Variants in GRID2 observed in about 807,000 individuals in gnomAD.
GRID2 encodes the protein glutamate ionotropic receptor delta type subunit 2, also known as glutamate receptor ionotropic, delta-2.
GRID2 carries 33 observed loss-of-function variants against 114.8 expected under a neutral mutation model. That is an observed-to-expected ratio of 0.29 (90% confidence interval 0.22 to 0.38). The LOEUF is 0.38. Ranked by LOEUF, GRID2 falls within the 10% of genes least tolerant of loss-of-function variation. The probability of loss-of-function intolerance (pLI) is 1.00; values close to 1 mark genes in which losing one functional copy is unlikely to be tolerated. For missense variants in GRID2, 1,184 were observed against 1,257.7 expected, an observed-to-expected ratio of 0.94 and a Z score of 0.89; for synonymous variants, 505 against 449.9, an observed-to-expected ratio of 1.12 and a Z score of -1.55.
At chr4:92,629,915 AATTATATT>A (rs1730714710) in intron 2 of GRID2, among the ~76,000 whole-genome samples, 1 of 147,680 alleles carries the variant, frequency 6.8e-6, no homozygotes, top group Non-Finnish European at 1.5e-5. Context: ...TAAATTATAT[AATTATATT>A]ATAAATTATA....
At chr4:93,796,978 T>C (rs1382780465) in intron 1 of GRID2, among the ~76,000 whole-genome samples, 3 of 152,198 alleles carry the variant, frequency 2.0e-5, no homozygotes, top group Non-Finnish European at 4.4e-5. Flanking sequence ...CATCATAGGG[T>C]GTACTTACCC....
chr4:92,712,348 A>C (rs917109427), intron 2 of GRID2, among the ~76,000 whole-genome samples: 3 of 152,122 alleles, frequency 2.0e-5, no homozygotes, highest in Non-Finnish European at 2.9e-5. Context: ...TTTTTAAAAA[A>C]TTAGTTTTAT....
intron 12 of GRID2, among the ~76,000 whole-genome samples, chr4:93,495,680 T>C (rs972197839): frequency 1.3e-5 from 2 of 151,786 alleles, no homozygotes; most frequent in Non-Finnish European, 2.9e-5. Context: ...AATGCATGTA[T>C]ATTTACAGCA....
intron 8 of GRID2, among the ~76,000 whole-genome samples, chr4:93,280,474 T>C (rs1198494812): frequency 6.6e-6 from 1 of 152,024 alleles, no homozygotes; most frequent in Non-Finnish European, 1.5e-5. Flanking sequence ...AAATGTTTTC[T>C]AAGAAAGATA....
At chr4:92,922,426 C>G (rs1216572352) in intron 2 of GRID2, among the ~76,000 whole-genome samples, 1 of 152,088 alleles carries the variant, frequency 6.6e-6, no homozygotes, top group Non-Finnish European at 1.5e-5. Context: ...ATCACCCATC[C>G]TCTGTGTCGC....
intron 2 of GRID2, among the ~76,000 whole-genome samples, chr4:92,603,912 T>A (rs1237537725): frequency 6.6e-6 from 1 of 151,756 alleles, no homozygotes; most frequent in Admixed American, 6.6e-5. Context: ...TAAAAAAACA[T>A]TTATATGGCC....
At chr4:92,984,361 G>A (rs940384141) in intron 2 of GRID2, among the ~76,000 whole-genome samples, 3 of 152,198 alleles carry the variant, frequency 2.0e-5, no homozygotes, top group Non-Finnish European at 2.9e-5. Flanking sequence ...CAAGAAGAGG[G>A]AAAGTTGGAA....
chr4:93,106,225 T>A (rs77515636), intron 3 of GRID2, among the ~76,000 whole-genome samples: 1 of 152,318 alleles, frequency 6.6e-6, no homozygotes, highest in African/African-American at 2.4e-5. Context: ...TTCTTTATTT[T>A]GGAAACACAG....
intron 2 of GRID2, among the ~76,000 whole-genome samples, chr4:93,080,270 GA>G (rs1232287029): frequency 2.6e-5 from 4 of 152,050 alleles, no homozygotes; most frequent in East Asian, 1.9e-4. Context: ...TTAATAAACA[GA>G]AAAAAAGTAA....
At chr4:93,344,263 A>G (rs76786322) in intron 8 of GRID2, among the ~76,000 whole-genome samples, 124 of 152,176 alleles carry the variant, frequency 8.1e-4, no homozygotes, top group Middle Eastern at 3.4e-3. Context: ...ATTTTGCTGC[A>G]TGGCCAAAGA....
intron 2 of GRID2, among the ~76,000 whole-genome samples, chr4:92,839,296 T>C (rs1311721826): frequency 6.6e-6 from 1 of 151,788 alleles, no homozygotes. Flanking sequence ...ACTTTATGTT[T>C]TAGGGTACAT....
chr4:92,323,993 G>T (rs368562590), intron 1 of GRID2, among the ~76,000 whole-genome samples: 1 of 151,868 alleles, frequency 6.6e-6, no homozygotes. Flanking sequence ...GAAATAGCCC[G>T]ATTATGTAGA....
chr4:92,565,374 C>A (rs924466985), intron 1 of GRID2, among the ~76,000 whole-genome samples: 8 of 151,914 alleles, frequency 5.3e-5, no homozygotes, highest in African/African-American at 1.7e-4. Context: ...TTACTGAATT[C>A]ATATGCTTGC....
chr4:92,934,300 G>A (rs2149524910), intron 2 of GRID2, among the ~76,000 whole-genome samples: 1 of 151,846 alleles, frequency 6.6e-6, no homozygotes, highest in African/African-American at 2.4e-5. Context: ...AAGCAATTGG[G>A]AATGGGAGTT....
intron 1 of GRID2, among the ~76,000 whole-genome samples, chr4:92,545,941 A>C (rs1224047575): frequency 2.6e-5 from 4 of 152,154 alleles, no homozygotes; most frequent in African/African-American, 9.7e-5. Flanking sequence ...ATTTTTCCTC[A>C]ATGCAACTTT....
At chr4:93,001,181 T>G (rs1720939357) in intron 2 of GRID2, among the ~76,000 whole-genome samples, 1 of 151,670 alleles carries the variant, frequency 6.6e-6, no homozygotes. Context: ...AGCATACACT[T>G]TAATTTCAAA....
intron 1 of GRID2, among the ~76,000 whole-genome samples, chr4:92,529,960 A>C (rs553073442): frequency 6.6e-6 from 1 of 152,166 alleles, no homozygotes; most frequent in African/African-American, 2.4e-5. Flanking sequence ...AATTGTAGAC[A>C]ACATGATATA....
chr4:92,320,524 G>T (rs1294721164), intron 1 of GRID2, among the ~76,000 whole-genome samples: 1 of 151,974 alleles, frequency 6.6e-6, no homozygotes, highest in Non-Finnish European at 1.5e-5. Context: ...GCCCAGACTG[G>T]AGTGTAGTGT....
intron 2 of GRID2, among the ~76,000 whole-genome samples, chr4:92,732,740 T>C (rs1328619961): frequency 6.6e-6 from 1 of 152,116 alleles, no homozygotes; most frequent in Non-Finnish European, 1.5e-5. Context: ...TTTCTATCTA[T>C]CTACCTATCT....
Sources: gnomAD v4.1 joint callset for allele counts (sites outside exome capture counted in the v4.1 genomes callset) on GRCh38, gnomAD v4.1.1 for gene constraint, MANE v1.5 for transcripts, NCBI Gene and HGNC (gene_info 2026-07-23, HGNC 2026-07-21) for gene names.